Variants in BRME1 observed in about 807,000 individuals in gnomAD.
The protein encoded by BRME1 is break repair meiotic recombinase recruitment factor 1.
Under a neutral mutation model 52.6 loss-of-function variants are expected in BRME1, and 31 were observed. That is an observed-to-expected ratio of 0.59 (90% CI 0.44 to 0.80). The LOEUF is 0.80. BRME1 is among the 30% of genes least tolerant of loss of function. The pLI is 0.00. For missense variants in BRME1, 804 were observed against 860.3 expected, an observed-to-expected ratio of 0.93 and a Z score of 0.82; for synonymous variants, 359 against 353.6, an observed-to-expected ratio of 1.02 and a Z score of -0.17.
At position 13,893,649 on chromosome 19, in the gene BRME1, C is replaced by T. The variant is rs1377068083; in HGVS notation, c.207-426G>A. Among the ~76,000 whole-genome samples, 3 of 152,126 alleles carry T rather than the reference C, an allele frequency of 2.0e-5. No homozygotes were observed. In the East Asian group the frequency reaches 5.8e-4, roughly 29 times the overall value. The stretch of plus-strand genomic sequence containing the variant: ...AGTGCTAAGAGTCTCCTAGGCTGGG[C>T]GTGGTGGCTCATCCCTTTAATCCCA... On this transcript the variant is annotated intron_variant, in intron 3 of 8. Coordinates refer to ENST00000586783, the MANE Select transcript of BRME1 (RefSeq NM_001345843.2).
In BRME1 at chr19:13,889,730, C is replaced by A. The variant is rs771802249; in HGVS notation, c.1126G>T (p.Ala376Ser). 6.2e-7 allele frequency: 1 copy of A among 1,607,856 alleles called. No individual in the cohort carries two copies. The highest frequency in any genetic ancestry group is 8.5e-7 in the Non-Finnish European group (1 of 1,177,878). Residue 376 changes from alanine (A) to serine (S), a missense_variant, in exon 6 of 9, where the codon GCT (alanine) becomes TCT (serine). This residue lies in a region of BRME1 where 552 missense variants were observed against 561.1 expected (regional missense o/e 0.98). Transcript: ENST00000586783. Reference sequence around the variant, plus strand: ...AAGGCCCTCCTGTGGCCTCCATCAGCGGCCTTCCTCCTGGGAGAGGCAGGT... The same window carrying A: ...AAGGCCCTCCTGTGGCCTCCATCAGAGGCCTTCCTCCTGGGAGAGGCAGGT... ...ISPASPRRKA[A>S]DGGHRRALPG...
In BRME1 at chr19:13,889,658, C is replaced by G. The variant is rs1002452658; in HGVS notation, c.1198G>C (p.Glu400Gln). The G allele has an allele frequency of 3.1e-6, 5 of 1,609,824 alleles. No homozygotes were observed. Among genetic ancestry groups the G allele is most frequent in the Non-Finnish European group, 3.4e-6 (4 of 1,178,132 alleles). Residue 400 changes from glutamate to glutamine, a missense_variant, in exon 6 of 9, where the codon GAG becomes CAG. Physicochemically the swap from Glu to Gln is conservative, Grantham distance 29. Coordinates refer to ENST00000586783, the MANE Select transcript of BRME1 (RefSeq NM_001345843.2). ...GGGGGCTTGCCATCCTGCCCTGCCTCCCCACTTTCTCCTGTGGTTTCCCCA... is the reference window on the plus strand; with the variant it reads ...GGGGGCTTGCCATCCTGCCCTGCCTGCCCACTTTCTCCTGTGGTTTCCCCA... ...LTGETTGESG[E>Q]AGQDGKPPGD... is the part of the protein sequence containing the mutation.
chr19:13,883,240 C>T lies in BRME1; in HGVS notation c.1856+68G>A. ...CTAGGGGCTTCACACTTCAGTCCCTCCCTGCTCCTCTGAGTCCCCACTGGC... is the reference window on the plus strand; with the variant it reads ...CTAGGGGCTTCACACTTCAGTCCCTTCCTGCTCCTCTGAGTCCCCACTGGC... On this transcript the variant is annotated intron_variant, in intron 8 of 8. Coordinates refer to ENST00000586783, the MANE Select transcript of BRME1 (RefSeq NM_001345843.2). This position sits in a 1 kb window ranked among gnomAD's most constrained non-coding sequence, Gnocchi z 4.2. 1 of 1,394,128 alleles carries T rather than the reference C, an allele frequency of 7.2e-7. No homozygotes were observed. Among genetic ancestry groups the T allele is most frequent in the Non-Finnish European group, 9.8e-7 (1 of 1,022,320 alleles). 86.4% of individuals were successfully genotyped at this position (1,394,128 alleles called of 1,614,324 possible).
intron 2 of BRME1, among the ~76,000 whole-genome samples, chr19:13,896,465 A>G (rs1458753716): frequency 6.8e-6 from 1 of 146,528 alleles, no homozygotes; most frequent in Non-Finnish European, 1.5e-5. Flanking sequence ...ATTATATTAT[A>G]TATTTATATA....
At chr19:13,886,923 G>A (rs1969072289) in intron 6 of BRME1, among the ~76,000 whole-genome samples, 1 of 152,094 alleles carries the variant, frequency 6.6e-6, no homozygotes, top group Admixed American at 6.6e-5. Flanking sequence ...AGCTGTGATT[G>A]TGCCACTGCA....
rs191279713 is a variant in BRME1, at chr19:13,893,800, C to G, written c.207-577G>C. On this transcript the variant is annotated intron_variant, in intron 3 of 8. Coordinates refer to ENST00000586783, the MANE Select transcript of BRME1 (RefSeq NM_001345843.2). ...GACGTGGTGATGTGTGCCTGTGGCC[C>G]CAGCTACTTGAGAGGCTGAAATGTC... Among the ~76,000 whole-genome samples, 598 of 152,046 alleles carry G rather than the reference C, an allele frequency of 3.9e-3. 1 individual carries two copies. Among genetic ancestry groups the G allele is most frequent in the Non-Finnish European group, 6.4e-3 (432 of 67,980 alleles).
chr19:13,886,243 C>T (rs1380543602), intron 6 of BRME1, among the ~76,000 whole-genome samples, 188 bp from the exon 7 acceptor site: 2 of 152,246 alleles, frequency 1.3e-5, no homozygotes, highest in African/African-American at 4.8e-5. Context: ...AGACCCGAGG[C>T]TACCAGCCTG....
Position 13,889,906 on chromosome 19 carries a change from C to T in BRME1, c.950G>A (p.Arg317Lys), listed in dbSNP as rs757958519. Residue 317 changes from arginine to lysine, a missense_variant, in exon 6 of 9, where the codon AGG becomes AAG. Around this residue, in one of 3 missense-constraint regions of BRME1, gnomAD observed 552 missense variants for 561.1 expected, o/e 0.98. Coordinates refer to ENST00000586783, the MANE Select transcript of BRME1 (RefSeq NM_001345843.2). ...GSPDPQQTPS[R>K]MGREGEGTHS... ...AGTCCCTTCCCCTTCCCTACCCATCCTGCTGGGGGTCTGCTGGGGGTCAGG... is the reference window on the plus strand; with the variant it reads ...AGTCCCTTCCCCTTCCCTACCCATCTTGCTGGGGGTCTGCTGGGGGTCAGG... 3 of 1,613,000 alleles carry T rather than the reference C, an allele frequency of 1.9e-6. No individual in the cohort carries two copies. The highest frequency in any genetic ancestry group is 2.2e-5 in the East Asian group (1 of 44,878).
Position 13,883,392 on chromosome 19 carries a change from A to C in BRME1, c.1772T>G (p.Val591Gly), listed in dbSNP as rs943244673. 33 of 1,533,586 alleles carry C rather than the reference A, an allele frequency of 2.2e-5. No homozygotes were observed. In the African/African-American group the frequency reaches 4.5e-4, roughly 21 times the overall value. 95.0% of individuals were successfully genotyped at this position (1,533,586 alleles called of 1,614,324 possible). ...AVAKAQPRTF[V>G]GIQASEASRM... Reference sequence around the variant, plus strand: ...GGAGGCCTCAGAGGCCTGGATCCCCACGAAGGTCCTGGCCAGCAGGGAAGG... The same window carrying C: ...GGAGGCCTCAGAGGCCTGGATCCCCCCGAAGGTCCTGGCCAGCAGGGAAGG... The change falls in exon 8 of 9, where the codon GTG becomes GGG. Residue 591 changes from valine (V) to glycine (G), a missense_variant. This residue lies in a region of BRME1 where 552 missense variants were observed against 561.1 expected (regional missense o/e 0.98). Coordinates refer to ENST00000586783, the MANE Select transcript of BRME1 (RefSeq NM_001345843.2). The surrounding 1 kb of genome is among the most constrained non-coding windows in gnomAD (Gnocchi z 4.2).
At chr19:13,902,658 G>A (rs562286120) in intron 2 of BRME1, among the ~76,000 whole-genome samples, 3 of 151,276 alleles carry the variant, frequency 2.0e-5, no homozygotes, top group Non-Finnish European at 2.9e-5. Flanking sequence ...TGGGCTGGGC[G>A]CGGTGGCCTA....
rs548118693 is a variant in BRME1, at chr19:13,892,447, G to A, written c.393+339C>T. Among the ~76,000 whole-genome samples, 13 of 151,990 alleles carry A rather than the reference G, an allele frequency of 8.6e-5. No individual in the cohort carries two copies. In the South Asian group the frequency reaches 1.9e-3, roughly 22 times the overall value. On this transcript the variant is annotated intron_variant, in intron 5 of 8. Coordinates refer to ENST00000586783, the MANE Select transcript of BRME1 (RefSeq NM_001345843.2). The stretch of plus-strand genomic sequence containing the variant: ...CTAAAAATACAAAAATTAGCTGGGC[G>A]CGGTGGGCAGGCGTCTGTTATCCCA...
Position 13,889,785 on chromosome 19 carries a change from A to G in BRME1, c.1071T>C (p.Ala357=), listed in dbSNP as rs780728937. 2 of 1,612,446 alleles carry G rather than the reference A, an allele frequency of 1.2e-6. No homozygotes were observed. Among genetic ancestry groups the G allele is most frequent in the South Asian group, 2.2e-5 (2 of 91,072 alleles). The change falls in exon 6 of 9, where the codon GCT becomes GCC. Residue 357 remains alanine (A), a synonymous_variant. Transcript: ENST00000586783. Reference sequence around the variant, plus strand: ...TGGCACTGGCCTGCCCATCGGGCCCAGCCACCTCCAGAGCCCTCTCTTCCA... The same window carrying G: ...TGGCACTGGCCTGCCCATCGGGCCCGGCCACCTCCAGAGCCCTCTCTTCCA... ...TELEERALEV[A]GPDGQASAIS... is the part of the protein sequence containing the mutation.
chr19:13,893,181 A>G lies in BRME1; in HGVS notation c.249T>C (p.Arg83=). ...GGGGAGCTGGCTCCTTTTCTGGTTGACGGAGGAGCCGGCAGGGAGATCCTG... is the reference window on the plus strand; with the variant it reads ...GGGGAGCTGGCTCCTTTTCTGGTTGGCGGAGGAGCCGGCAGGGAGATCCTG... ...EETGSPCRLL[R]QPEKEPAPLP... Residue 83 remains arginine, a synonymous_variant, in exon 4 of 9, where the codon CGT becomes CGC. Coordinates refer to ENST00000586783, the MANE Select transcript of BRME1 (RefSeq NM_001345843.2). 1 of 1,593,422 alleles carries G rather than the reference A, an allele frequency of 6.3e-7. No individual in the cohort carries two copies.
rs1402730973 is a variant in BRME1 at position 13,893,203 on chromosome 19, C to T, written c.227G>A (p.Gly76Glu). The T allele has an allele frequency of 1.3e-6, 2 of 1,585,672 alleles. No homozygotes were observed. Among genetic ancestry groups the T allele is most frequent in the South Asian group, 1.2e-5 (1 of 86,248 alleles). Residue 76 changes from glycine (G) to glutamate (E), a missense_variant, in exon 4 of 9, where the codon GGA becomes GAA. Physicochemically the swap from Gly to Glu is moderately conservative, Grantham distance 98 (BLOSUM62 -2). This residue lies in a region of BRME1 where 234 missense variants were observed against 258.1 expected (regional missense o/e 0.91). Transcript: ENST00000586783. ...TTGACGGAGGAGCCGGCAGGGAGAT[C>T]CTGTTTCCTCATCAGGGGAGCTATG... is the stretch of plus-strand genomic sequence containing the variant. ...AVSSSPDEET[G>E]SPCRLLRQPE... is the part of the protein sequence containing the mutation.
chr19:13,888,684 T>C lies in BRME1; in HGVS notation c.1668+504A>G, dbSNP rs865936304. Among the ~76,000 whole-genome samples, 6 of 152,282 alleles carry C rather than the reference T, an allele frequency of 3.9e-5. No homozygotes were observed. In the Middle Eastern group the frequency reaches 0.017, roughly 432 times the overall value. On this transcript the variant is annotated intron_variant, in intron 6 of 8. Coordinates refer to ENST00000586783, the MANE Select transcript of BRME1 (RefSeq NM_001345843.2). The surrounding 1 kb of genome is among the most constrained non-coding windows in gnomAD (Gnocchi z 4.1). ...GCAGAAAAACAAAATGACTTATGTA[T>C]GTTTGGAAAAGAATCATATCAGGAC...
At chr19:13,898,626 G>A (rs1488279348) in intron 2 of BRME1, among the ~76,000 whole-genome samples, 1 of 151,794 alleles carries the variant, frequency 6.6e-6, no homozygotes, top group South Asian at 2.1e-4. Context: ...AAACACTAAA[G>A]AATAACACTA....
rs1175260810 is a variant in BRME1 at position 13,883,900 on chromosome 19, CATT to C, written c.1764-503_1764-501del. Among the ~76,000 whole-genome samples, 1 of 152,168 alleles carries C rather than the reference CATT, an allele frequency of 6.6e-6. No homozygotes were observed. Among genetic ancestry groups the C allele is most frequent in the Non-Finnish European group, 1.5e-5 (1 of 68,036 alleles). ...TGGTGGCTTCCCTGATTCCTCCTTA[CATT>C]TTAACCCCTTCTCCGCTGCCTTTTT... is the stretch of plus-strand genomic sequence containing the variant. On this transcript the variant is annotated intron_variant, in intron 7 of 8. Coordinates refer to ENST00000586783, the MANE Select transcript of BRME1 (RefSeq NM_001345843.2). This position sits in a 1 kb window ranked among gnomAD's most constrained non-coding sequence, Gnocchi z 4.2.
chr19:13,900,920 C>T (rs1398568961), intron 2 of BRME1, among the ~76,000 whole-genome samples: 1 of 152,088 alleles, frequency 6.6e-6, no homozygotes, highest in Non-Finnish European at 1.5e-5. Flanking sequence ...ATCCATCCAC[C>T]TGCCTCGGCC....
chr19:13,887,540 T>G (rs896904935), intron 6 of BRME1, among the ~76,000 whole-genome samples: 1 of 152,210 alleles, frequency 6.6e-6, no homozygotes, highest in African/African-American at 2.4e-5. Flanking sequence ...GGATGCCACC[T>G]AGGCACACCT....
Sources: gnomAD v4.1 joint callset for allele counts (sites outside exome capture counted in the v4.1 genomes callset) on GRCh38, gnomAD v4.1.1 for gene constraint, gnomAD v4.1.1 regional missense constraint, Gnocchi (gnomAD v3.1) non-coding constraint, MANE v1.5 for transcripts, NCBI Gene and HGNC (gene_info 2026-07-23, HGNC 2026-07-21) for gene names.